Variants in GPD2 observed in about 807,000 individuals in gnomAD.
GPD2 encodes the protein glycerol-3-phosphate dehydrogenase 2.
In GPD2, 54 loss-of-function variants were observed where a neutral mutation model predicts 82.4. The ratio of observed to expected loss-of-function variants is 0.66; its 90% CI spans 0.53 to 0.82. The LOEUF is 0.82. Ranked by LOEUF, GPD2 falls within the 40% of genes least tolerant of loss-of-function variation. The probability of loss-of-function intolerance (pLI) is 0.00; values close to 1 mark genes in which losing one functional copy is unlikely to be tolerated. For missense variants in GPD2, 748 were observed against 896.2 expected (o/e 0.83, Z 2.11); for synonymous variants, 288 against 306.1 (o/e 0.94, Z 0.62).
the GPD2 span, among the ~76,000 whole-genome samples, chr2:156,405,916 T>TC: frequency 6.6e-6 from 1 of 152,170 alleles, no homozygotes; most frequent in Non-Finnish European, 1.5e-5. Context: ...GAGCACTTGC[T>TC]CAAGGTACCA....
At chr2:156,400,793 G>A in the GPD2 span, among the ~76,000 whole-genome samples, 1 of 152,196 alleles carries the variant, frequency 6.6e-6, no homozygotes, top group East Asian at 1.9e-4. Flanking sequence ...GTGGTAGAGC[G>A]CGCGCTTCGC....
At chr2:156,559,378 A>G (rs1012434402) in intron 9 of GPD2, among the ~76,000 whole-genome samples, 1 of 152,208 alleles carries the variant, frequency 6.6e-6, no homozygotes, top group Non-Finnish European at 1.5e-5. Context: ...TTGAAAATCT[A>G]TATTAAAGTA....
intron 3 of GPD2, among the ~76,000 whole-genome samples, chr2:156,507,682 G>C (rs182431): frequency 0.7 from 106,092 of 151,960 alleles, 37,185 homozygotes; most frequent in Middle Eastern, 0.82. Flanking sequence ...ACACATAGCT[G>C]TGTTCTCAGA....
chr2:156,556,350 A>C (rs573574201), intron 8 of GPD2, among the ~76,000 whole-genome samples: 1 of 152,236 alleles, frequency 6.6e-6, no homozygotes, highest in Non-Finnish European at 1.5e-5. Flanking sequence ...AGAAGCAGCT[A>C]TCTGAAGATT....
intron 1 of GPD2, among the ~76,000 whole-genome samples, chr2:156,475,325 G>A (rs983091867): frequency 1.3e-5 from 2 of 152,014 alleles, no homozygotes; most frequent in African/African-American, 2.4e-5. Flanking sequence ...CTTCTTATCT[G>A]TAAAGTATAC....
upstream of GPD2, among the ~76,000 whole-genome samples, chr2:156,434,297 T>G (rs1688362497): frequency 6.6e-6 from 1 of 152,026 alleles, no homozygotes; most frequent in Non-Finnish European, 1.5e-5. Flanking sequence ...AGAGATAGGG[T>G]TTCACCATGT....
At chr2:156,515,801 C>T (rs765393731) in intron 6 of GPD2, among the ~76,000 whole-genome samples, 26 of 152,026 alleles carry the variant, frequency 1.7e-4, no homozygotes, top group Non-Finnish European at 3.4e-4. Flanking sequence ...GTCTTTTGAC[C>T]TTGTTCTGAA....
At chr2:156,449,860 A>AAAAAAAAAAAAG (rs1682492828) in intron 1 of GPD2, among the ~76,000 whole-genome samples, 1 of 146,492 alleles carries the variant, frequency 6.8e-6, no homozygotes, top group African/African-American at 2.5e-5. Flanking sequence ...AATATACAAA[A>AAAAAAAAAAAAG]AAAAAAAAGC....
intron 3 of GPD2, among the ~76,000 whole-genome samples, chr2:156,503,782 G>GTTTTTTTTTTTTTTTTTTTTTTTTTTTTT (rs1684680437): frequency 6.6e-6 from 1 of 152,112 alleles, no homozygotes. Context: ...AGTTAACATT[G>GTTTTTTTTTTTTTTTTTTTTTTTTTTTTT]TTTACCTGTG....
rs1316438297 is a variant in GPD2, at chr2:156,570,100, T to C, written c.1490T>C (p.Leu497Pro). 6.2e-7 allele frequency: 1 copy of C among 1,611,524 alleles called. No homozygotes were observed. Among genetic ancestry groups the C allele is most frequent in the Non-Finnish European group, 8.5e-7 (1 of 1,179,108 alleles). The stretch of plus-strand genomic sequence containing the variant: ...TTATTTCTCTAGGTGGCACAGCATC[T>C]TGCCGCCACCTATGGTGATAAGGCC... ...YGLESEVAQH[L>P]AATYGDKAFE... Residue 497 changes from leucine to proline, a missense_variant, in exon 12 of 17, where the codon CTT becomes CCT. Physicochemically the swap from Leu to Pro is moderately conservative, Grantham distance 98 (BLOSUM62 -3). Around this residue, in one of 3 missense-constraint regions of GPD2, gnomAD observed 692 missense variants for 809.7 expected, o/e 0.85. Transcript: ENST00000438166.
rs201926174 is a variant in GPD2 at position 156,569,535 on chromosome 2, C to T, written c.1473C>T (p.Ser491=). ...IRLVQDYGLE[S]EVAQHLAATY... ...TTGTGCAGGATTATGGACTTGAAAG[C>T]GAGGTGAGTGTGCATTGCCACATCA... The change falls in exon 11 of 17, where the codon AGC becomes AGT. Residue 491 remains serine, a synonymous_variant. Coordinates refer to ENST00000438166, the MANE Select transcript of GPD2 (RefSeq NM_000408.5). The T allele has an allele frequency of 2.8e-5, 45 of 1,610,060 alleles. No homozygotes were observed. The highest frequency in any genetic ancestry group is 2.4e-4 in the South Asian group (22 of 91,018).
the GPD2 span, among the ~76,000 whole-genome samples, chr2:156,403,391 C>G: frequency 1.3e-5 from 2 of 152,142 alleles, no homozygotes; most frequent in African/African-American, 4.8e-5. Flanking sequence ...GAAGATCTCT[C>G]TTACCCTTTC....
chr2:156,459,705 A>AAAAAAAAAAAAAAAAAAAAAAAAC (rs1682921485), intron 1 of GPD2, among the ~76,000 whole-genome samples: 1 of 149,838 alleles, frequency 6.7e-6, no homozygotes, highest in African/African-American at 2.4e-5. Context: ...AAAAAAAAAA[A>AAAAAAAAAAAAAAAAAAAAAAAAC]AAAAGAAAGA....
At chr2:156,414,187 T>C in the GPD2 span, among the ~76,000 whole-genome samples, 62 of 152,298 alleles carry the variant, frequency 4.1e-4, no homozygotes, top group Non-Finnish European at 7.9e-4. Flanking sequence ...AATTGGAATA[T>C]AAATAAAGAA....
intron 9 of GPD2, among the ~76,000 whole-genome samples, chr2:156,567,132 T>C (rs1383400106): frequency 6.6e-6 from 1 of 152,108 alleles, no homozygotes; most frequent in East Asian, 1.9e-4. Context: ...TATCAGTATA[T>C]GATTTACCGG....
intron 11 of GPD2, 83 bp from the exon 12 acceptor site, chr2:156,570,004 A>G (rs1687554499): frequency 2.5e-6 from 3 of 1,186,346 alleles, no homozygotes; most frequent in Non-Finnish European, 3.8e-6. Flanking sequence ...AAAACTGACA[A>G]GATAAGCATG....
chr2:156,542,629 G>A (rs886898472), intron 6 of GPD2, among the ~76,000 whole-genome samples: 3 of 152,152 alleles, frequency 2.0e-5, no homozygotes, highest in Non-Finnish European at 4.4e-5. Flanking sequence ...TTAACACATT[G>A]AGGTTGTATT....
At chr2:156,495,783 G>C (rs886787556) in intron 2 of GPD2, 2 of 465,306 alleles carry the variant, frequency 4.3e-6, no homozygotes, top group South Asian at 2.1e-5. Context: ...GAACTTGGCT[G>C]TATATGAAGC....
chr2:156,549,623 C>T lies in GPD2; in HGVS notation c.677C>T (p.Ala226Val), dbSNP rs201060271. Residue 226 changes from alanine (A) to valine (V), a missense_variant, in exon 7 of 17, where the codon GCA becomes GTA. Physicochemically the swap from Ala to Val is moderately conservative, Grantham distance 64. Transcript: ENST00000438166. ...IVYYDGQHND[A>V]RMNLAIALTA... is the part of the protein sequence containing the mutation. ...CCCGCTGCAGGACAACATAACGATG[C>T]ACGGATGAACCTTGCCATTGCTCTG... 405 of 1,614,034 alleles carry T rather than the reference C, an allele frequency of 2.5e-4. 3 individuals carry two copies. The highest frequency in any genetic ancestry group is 9.3e-6 in the Non-Finnish European group (11 of 1,179,910).
Sources: allele counts gnomAD v4.1 joint callset (sites outside exome capture counted in the v4.1 genomes callset), GRCh38; gene constraint gnomAD v4.1.1; regional missense constraint gnomAD v4.1.1; transcripts MANE v1.5; gene names NCBI Gene and HGNC (gene_info 2026-07-23, HGNC 2026-07-21).